Variants in KCNQ3 observed in about 807,000 individuals in gnomAD.
The protein encoded by KCNQ3 is potassium voltage-gated channel subfamily Q member 3, also known as potassium voltage-gated channel subfamily KQT member 3.
KCNQ3 carries 30 observed loss-of-function variants against 92.5 expected under a neutral mutation model. That is an observed-to-expected ratio of 0.32 (90% CI 0.24 to 0.44). The LOEUF (loss-of-function observed/expected upper bound fraction) is 0.44, where lower values mean the gene tolerates loss of function less well. KCNQ3 is among the 20% of genes least tolerant of loss of function. The pLI is 1.00. For synonymous variants in KCNQ3, 450 were observed against 468.8 expected (o/e 0.96, Z 0.52); for missense variants, 913 against 1,140.3 (o/e 0.80, Z 2.87).
At chr8:132,370,850 C>T (rs1481142580) in intron 1 of KCNQ3, among the ~76,000 whole-genome samples, 4 of 152,174 alleles carry the variant, frequency 2.6e-5, no homozygotes, top group Non-Finnish European at 4.4e-5. Flanking sequence ...TCATGCCTAA[C>T]CTGGCTTACT....
rs905165653 is a variant in KCNQ3 at position 132,174,404 on chromosome 8, C to T, written c.934-55G>A. The T allele has an allele frequency of 1.4e-5, 18 of 1,305,412 alleles. No homozygotes were observed. The African/African-American group carries it at 1.8e-4, about 13-fold the overall frequency. 80.9% of individuals were successfully genotyped at this position (1,305,412 alleles called of 1,614,324 possible). On this transcript the variant is annotated intron_variant, in intron 5 of 14. Coordinates refer to ENST00000388996, the MANE Select transcript of KCNQ3 (RefSeq NM_004519.4). ...ACCACATGGAGAGGAATATCAGGAA[C>T]GTGTTAACTGAGCTCTACCTGTAAG...
At chr8:132,426,426 G>T (rs1006752660) in intron 1 of KCNQ3, among the ~76,000 whole-genome samples, 6 of 152,332 alleles carry the variant, frequency 3.9e-5, no homozygotes, top group African/African-American at 1.4e-4. Flanking sequence ...GGGCACCCCC[G>T]CCAGTAAGCC....
chr8:132,469,155 C>T (rs1822245290), intron 1 of KCNQ3, among the ~76,000 whole-genome samples: 1 of 152,218 alleles, frequency 6.6e-6, no homozygotes, highest in Non-Finnish European at 1.5e-5. Flanking sequence ...GGGAAGCTAA[C>T]ATCCCTATAG....
chr8:132,172,654 G>A lies in KCNQ3; in HGVS notation c.1084C>T (p.Gln362Ter). 6.2e-7 allele frequency: 1 copy of A among 1,613,976 alleles called. No individual in the cohort carries two copies. The highest frequency in any genetic ancestry group is 1.1e-5 in the South Asian group (1 of 91,084). The change falls in exon 7 of 15, where the codon CAA (glutamine) becomes TAA (stop). Residue 362 changes from glutamine (Q) to a stop codon, truncating the protein, a stop_gained. Coordinates refer to ENST00000388996, the MANE Select transcript of KCNQ3 (RefSeq NM_004519.4). LOFTEE classifies it high-confidence loss of function. The stretch of plus-strand genomic sequence containing the variant: ...TTCTCAAAGTGCTTCTGACGGTGTT[G>A]CTCCTGCACCTTGAGGGCCAGCCCG... ...GSGLALKVQE[Q>*]HRQKHFEKRR...
At chr8:132,248,940 C>T (rs1475835776) in intron 1 of KCNQ3, among the ~76,000 whole-genome samples, 1 of 152,172 alleles carries the variant, frequency 6.6e-6, no homozygotes, top group Non-Finnish European at 1.5e-5. Flanking sequence ...TCACTGACTT[C>T]AAGAATGAAG....
chr8:132,208,983 ATTG>A (rs1813762642), intron 1 of KCNQ3, among the ~76,000 whole-genome samples: 1 of 152,112 alleles, frequency 6.6e-6, no homozygotes, highest in Non-Finnish European at 1.5e-5. Context: ...CCTCTGGGCT[ATTG>A]CAAAGGAGGC....
intron 1 of KCNQ3, among the ~76,000 whole-genome samples, chr8:132,208,651 TAAGTTTTTGCCACCAACTTC>T (rs1813749144): frequency 6.6e-6 from 1 of 152,154 alleles, no homozygotes; most frequent in South Asian, 2.1e-4. Flanking sequence ...AATATGATTT[TAAGTTTTTGCCACCAACTTC>T]CTGGGCGATA....
intron 1 of KCNQ3, among the ~76,000 whole-genome samples, chr8:132,372,819 G>A (rs1311552571): frequency 6.6e-6 from 1 of 150,604 alleles, no homozygotes; most frequent in Admixed American, 6.6e-5. Flanking sequence ...TAGGCCTCAG[G>A]TAAGCATCCA....
chr8:132,374,113 C>G (rs1030054627), intron 1 of KCNQ3, among the ~76,000 whole-genome samples: 1 of 152,096 alleles, frequency 6.6e-6, no homozygotes, highest in South Asian at 2.1e-4. Flanking sequence ...CCACTTGTCA[C>G]CGGAGAAAAC....
chr8:132,222,824 C>T (rs1334586579), intron 1 of KCNQ3, among the ~76,000 whole-genome samples: 3 of 152,138 alleles, frequency 2.0e-5, no homozygotes, highest in Admixed American at 1.3e-4. Context: ...TAGTTATGTG[C>T]TTAATGTGGA....
At chr8:132,326,006 G>T (rs527558633) in intron 1 of KCNQ3, among the ~76,000 whole-genome samples, 1 of 152,314 alleles carries the variant, frequency 6.6e-6, no homozygotes, top group South Asian at 2.1e-4. Context: ...GGCTTTGTGG[G>T]AGGCAAGTGG....
intron 9 of KCNQ3, among the ~76,000 whole-genome samples, chr8:132,154,501 T>A (rs1175088264): frequency 6.6e-6 from 1 of 150,384 alleles, no homozygotes; most frequent in Non-Finnish European, 1.5e-5. Context: ...TTAAGATCTG[T>A]CTTCATCCTT....
intron 1 of KCNQ3, among the ~76,000 whole-genome samples, chr8:132,335,741 G>C (rs1159682931): frequency 1.3e-5 from 2 of 152,214 alleles, no homozygotes; most frequent in Admixed American, 1.3e-4. Flanking sequence ...AGAAAAGCCT[G>C]TATCAGGCTA....
intron 9 of KCNQ3, among the ~76,000 whole-genome samples, chr8:132,147,409 T>G (rs1443875672): frequency 6.6e-6 from 1 of 152,098 alleles, no homozygotes; most frequent in African/African-American, 2.4e-5. Context: ...AAATCAAAAG[T>G]GGAGTTTGGG....
intron 1 of KCNQ3, among the ~76,000 whole-genome samples, chr8:132,352,494 G>A (rs76927784): frequency 3.5e-4 from 53 of 152,242 alleles, no homozygotes; most frequent in African/African-American, 1.3e-3. Flanking sequence ...AGCAGGACTC[G>A]CTTAGGAAAC....
At chr8:132,462,115 A>T (rs960448233) in intron 1 of KCNQ3, among the ~76,000 whole-genome samples, 5 of 152,234 alleles carry the variant, frequency 3.3e-5, no homozygotes, top group African/African-American at 1.2e-4. Context: ...AAACCATAAA[A>T]ATCAACGAGT....
intron 8 of KCNQ3, among the ~76,000 whole-genome samples, chr8:132,165,709 G>C (rs997516149): frequency 6.6e-6 from 1 of 152,180 alleles, no homozygotes; most frequent in Non-Finnish European, 1.5e-5. Flanking sequence ...TCTTCCCAGA[G>C]ATACAATGCA....
chr8:132,448,502 G>GAAAAAAAAAAAAAAAAAAAAAGGGAAA (rs1821744773), intron 1 of KCNQ3, among the ~76,000 whole-genome samples: 2 of 93,884 alleles, frequency 2.1e-5, no homozygotes, highest in South Asian at 4.0e-4. Flanking sequence ...GGAGAAATAT[G>GAAAAAAAAAAAAAAAAAAAAAGGGAAA]AAAAAAAAAA....
chr8:132,329,032 C>T (rs1292676835), intron 1 of KCNQ3, among the ~76,000 whole-genome samples: 1 of 152,172 alleles, frequency 6.6e-6, no homozygotes. Flanking sequence ...CTACTAAGTG[C>T]CAGGCATTCT....
Sources: gnomAD v4.1 joint callset for allele counts (sites outside exome capture counted in the v4.1 genomes callset) on GRCh38, gnomAD v4.1.1 for gene constraint, MANE v1.5 for transcripts, NCBI Gene and HGNC (gene_info 2026-07-23, HGNC 2026-07-21) for gene names.